RNF213: variants seen among roughly 807,000 people sequenced by gnomAD.
RNF213 encodes the protein E3 ubiquitin-protein ligase RNF213.
A neutral mutation model predicts 514.4 loss-of-function variants in RNF213; 341 were observed. The ratio of observed to expected loss-of-function variants is 0.66; its 90% CI spans 0.61 to 0.73. The LOEUF (loss-of-function observed/expected upper bound fraction) is 0.73. Ranked by LOEUF, RNF213 falls within the 30% of genes least tolerant of loss-of-function variation. The pLI is 0.00. For synonymous variants in RNF213, 2,655 were observed against 2,658.2 expected (o/e 1.00, Z 0.04); for missense variants, 5,767 against 6,615.6 (o/e 0.87, Z 4.45).
intron 41 of RNF213, 21 bp from the exon 42 acceptor site, chr17:80,364,412 A>G: frequency 6.2e-7 from 1 of 1,613,716 alleles, no homozygotes; most frequent in Non-Finnish European, 8.5e-7. Flanking sequence ...TGAGTGAGTG[A>G]GTGGCGCCCT....
intron 20 of RNF213, 139 bp from the exon 21 acceptor site, chr17:80,331,867 T>C (rs1356563219): frequency 1.3e-5 from 13 of 1,031,754 alleles, no homozygotes; most frequent in Non-Finnish European, 1.6e-5. Context: ...CTGTGAACTC[T>C]TCCTGAGAAA....
chr17:80,332,934 T>C (rs1385212050), intron 21 of RNF213, among the ~76,000 whole-genome samples: 1 of 152,158 alleles, frequency 6.6e-6, no homozygotes, highest in Non-Finnish European at 1.5e-5. Context: ...TCATAGGCTC[T>C]CTCTAGGTTA....
At chr17:80,319,081 A>G in intron 16 of RNF213, 109 bp from the exon 17 acceptor site, 1 of 1,605,292 alleles carries the variant, frequency 6.2e-7, no homozygotes, top group Non-Finnish European at 8.5e-7. Context: ...AAATTGGGGG[A>G]AACAGTAAAA....
Position 80,377,894 on chromosome 17 carries a change from CCAGGAGAGCA to C in RNF213, c.13545+103_13545+112del. 1 of 1,375,282 alleles carries C rather than the reference CCAGGAGAGCA, an allele frequency of 7.3e-7. No homozygotes were observed. The highest frequency in any genetic ancestry group is 1.0e-6 in the Non-Finnish European group (1 of 963,622). 85.2% of individuals were successfully genotyped at this position (1,375,282 alleles called of 1,614,324 possible). On this transcript the variant is annotated intron_variant, in intron 54 of 67. Coordinates refer to ENST00000582970, the MANE Select transcript of RNF213 (RefSeq NM_001256071.3). This position sits in a 1 kb window ranked among gnomAD's most constrained non-coding sequence, Gnocchi z 4.1. ...TCAGGAGAGTGAGGCTCTCGGCCTT[CCAGGAGAGCA>C]CAGGCTCACCGAGGACTGCCCAGGG...
At position 80,339,486 on chromosome 17, in the gene RNF213, G is replaced by A. The variant is rs540300391; in HGVS notation, c.5119G>A (p.Glu1707Lys). Residue 1707 changes from glutamate (E) to lysine (K), a missense_variant, in exon 26 of 68, where the codon GAG becomes AAG. Glu to Lys is a moderately conservative substitution (Grantham distance 56). This residue lies in a region of RNF213 where 1,377 missense variants were observed against 1,635.2 expected (regional missense o/e 0.84). Coordinates refer to ENST00000582970, the MANE Select transcript of RNF213 (RefSeq NM_001256071.3). ...EHFYLNFYTAEQLVYLSTELR... is the reference protein window; with the variant it reads ...EHFYLNFYTAKQLVYLSTELR... The stretch of plus-strand genomic sequence containing the variant: ...CTTTTACCTGAACTTCTACACGGCA[G>A]AGCAGCTGGTTTACCTGAGCACTGA... 6.5e-6 allele frequency: 10 copies of A among 1,537,250 alleles called. No homozygotes were observed. In the East Asian group the frequency reaches 2.2e-4, roughly 34 times the overall value.
At position 80,339,808 on chromosome 17, in the gene RNF213, G is replaced by T; in HGVS notation, c.5441G>T (p.Gly1814Val). 3 of 1,534,154 alleles carry T rather than the reference G, an allele frequency of 2.0e-6. No individual in the cohort carries two copies. Among genetic ancestry groups the T allele is most frequent in the Non-Finnish European group, 2.6e-6 (3 of 1,144,554 alleles). ...CTGGCTCACCTGGCAGGGATGGGTG[G>T]GTCTCCCGTGGAGCGTTGTCTCCCG... ...HCLAHLAGMG[G>V]SPVERCLPRG... Residue 1814 changes from glycine to valine, a missense_variant, in exon 26 of 68, where the codon GGG becomes GTG. By Grantham distance (109) the Gly-to-Val change is moderately radical. Around this residue, in one of 13 missense-constraint regions of RNF213, gnomAD observed 1,377 missense variants for 1,635.2 expected, o/e 0.84. Coordinates refer to ENST00000582970, the MANE Select transcript of RNF213 (RefSeq NM_001256071.3).
intron 3 of RNF213, among the ~76,000 whole-genome samples, chr17:80,275,995 T>A (rs535848029): frequency 6.6e-6 from 1 of 151,608 alleles, no homozygotes; most frequent in East Asian, 1.9e-4. Flanking sequence ...TTCCATGTTT[T>A]GGCTGTAGGT....
rs770377223 is a variant in RNF213 at position 80,317,168 on chromosome 17, C to T, written c.2812-20C>T. The T allele has an allele frequency of 9.1e-5, 147 of 1,608,310 alleles. 4 individuals carry two copies. In the South Asian group the frequency reaches 1.5e-3, roughly 16 times the overall value. On this transcript the variant is annotated intron_variant, in intron 15 of 67. Transcript: ENST00000582970. The surrounding 1 kb of genome is among the most constrained non-coding windows in gnomAD (Gnocchi z 4.1). The stretch of plus-strand genomic sequence containing the variant: ...CATTTAGTCGTGAGAGTGGGTGTGA[C>T]CTGTGTGCGGGTTTTGCAGGTCTGG...
chr17:80,266,158 C>T (rs747545067), intron 2 of RNF213, among the ~76,000 whole-genome samples: 29 of 151,800 alleles, frequency 1.9e-4, no homozygotes, highest in Non-Finnish European at 3.4e-4. Flanking sequence ...GGTGGCCCAC[C>T]TTACTAGGCG....
At position 80,380,912 on chromosome 17, in the gene RNF213, G is replaced by T. The variant is rs1002243231; in HGVS notation, c.13722G>T (p.Leu4574=). 6.2e-6 allele frequency: 10 copies of T among 1,614,056 alleles called. No homozygotes were observed. The Admixed American group carries it at 1.0e-4, about 16-fold the overall frequency. Residue 4574 remains leucine, a synonymous_variant, in exon 56 of 68, where the codon CTG becomes CTT. Coordinates refer to ENST00000582970, the MANE Select transcript of RNF213 (RefSeq NM_001256071.3). ...RRDVVTCDRG[L]PPVVFLLIRL... Reference sequence around the variant, plus strand: ...ACGTGGTGACATGTGACCGAGGGCTGCCCCCAGTGGTCTTCCTCCTTATCC... The same window carrying T: ...ACGTGGTGACATGTGACCGAGGGCTTCCCCCAGTGGTCTTCCTCCTTATCC...
At chr17:80,337,554 G>C in intron 23 of RNF213, 32 bp from the exon 24 acceptor site, 1 of 1,534,172 alleles carries the variant, frequency 6.5e-7, no homozygotes, top group South Asian at 1.2e-5. Context: ...CGCTCCAACC[G>C]TGGCCCGTGT....
chr17:80,347,946 A>G lies in RNF213; in HGVS notation c.9611A>G (p.His3204Arg), dbSNP rs2078368416. The change falls in exon 29 of 68, where the codon CAT becomes CGT. Residue 3204 changes from histidine (H) to arginine (R), a missense_variant. Physicochemically the swap from His to Arg is conservative, Grantham distance 29 (BLOSUM62 0). Coordinates refer to ENST00000582970, the MANE Select transcript of RNF213 (RefSeq NM_001256071.3). This position sits in a 1 kb window ranked among gnomAD's most constrained non-coding sequence, Gnocchi z 7.2. ...GAGAAGTTCATCAATGTCAAAGCAC[A>G]TCATTTCCAGAAGAGGCACAAATAC... Reference protein sequence around the residue: ...WVEKFINVKAHHFQKRHKYSP... With the variant: ...WVEKFINVKARHFQKRHKYSP... 7 of 1,614,026 alleles carry G rather than the reference A, an allele frequency of 4.3e-6. No homozygotes were observed. Among genetic ancestry groups the G allele is most frequent in the Middle Eastern group, 1.7e-4 (1 of 6,060 alleles).
intron 14 of RNF213, 38 bp downstream of exon 14, chr17:80,309,209 T>G: frequency 1.9e-6 from 3 of 1,611,318 alleles, no homozygotes; most frequent in Non-Finnish European, 2.5e-6. Flanking sequence ...ACACCCGGGA[T>G]AGGTGCGGAA....
At position 80,288,075 on chromosome 17, in the gene RNF213, G is replaced by C; in HGVS notation, c.522G>C (p.Leu174=). The change falls in exon 4 of 68, where the codon CTG becomes CTC. Residue 174 remains leucine, a synonymous_variant. Coordinates refer to ENST00000582970, the MANE Select transcript of RNF213 (RefSeq NM_001256071.3). The surrounding 1 kb of genome is among the most constrained non-coding windows in gnomAD (Gnocchi z 4.9). ...CCACCGAGGTTGGCGACAGCCCCCT[G>C]CAGGCCCAGGCTTTGGGAGAGGCAG... The part of the protein sequence containing the change: ...SAPTEVGDSP[L]QAQALGEAGV... 5.0e-6 allele frequency: 8 copies of C among 1,608,424 alleles called. No individual in the cohort carries two copies. The highest frequency in any genetic ancestry group is 6.8e-6 in the Non-Finnish European group (8 of 1,176,630).
rs545060242 is a variant in RNF213 at position 80,339,897 on chromosome 17, G to A, written c.5530G>A (p.Ala1844Thr). The change falls in exon 26 of 68, where the codon GCC (alanine) becomes ACC (threonine). Residue 1844 changes from alanine to threonine, a missense_variant. Physicochemically the swap from Ala to Thr is moderately conservative, Grantham distance 58. Around this residue, in one of 13 missense-constraint regions of RNF213, gnomAD observed 1,377 missense variants for 1,635.2 expected, o/e 0.84. Coordinates refer to ENST00000582970, the MANE Select transcript of RNF213 (RefSeq NM_001256071.3). ...TGGCCACTCCGAGGTGTTGCCAGCC[G>A]CCCTGGCTGTCTACATGCAAACCCC... is the stretch of plus-strand genomic sequence containing the variant. The part of the protein sequence containing the change: ...VCGHSEVLPA[A>T]LAVYMQTPSQ... 2.6e-3 allele frequency: 3,930 copies of A among 1,536,874 alleles called. 14 individuals are homozygous for A. Among genetic ancestry groups the A allele is most frequent in the Non-Finnish European group, 3.2e-3 (3,706 of 1,146,860 alleles).
In RNF213 at chr17:80,325,101, G is replaced by A; in HGVS notation, c.3096G>A (p.Val1032=). 1 of 1,537,112 alleles carries A rather than the reference G, an allele frequency of 6.5e-7. No individual in the cohort carries two copies. The highest frequency in any genetic ancestry group is 8.7e-7 in the Non-Finnish European group (1 of 1,146,870). Residue 1032 remains valine, a synonymous_variant, in exon 18 of 68, where the codon GTG becomes GTA. Transcript: ENST00000582970. ...LRKFGIVLSA[V]ITKSWPRTAD... Reference sequence around the variant, plus strand: ...AATTTGGCATCGTCTTGTCTGCTGTGATCACTAAGTCCTGGCCTAGGACCG... The same window carrying A: ...AATTTGGCATCGTCTTGTCTGCTGTAATCACTAAGTCCTGGCCTAGGACCG...
Position 80,375,841 on chromosome 17 carries a change from C to T in RNF213, c.13156C>T (p.His4386Tyr). ...AGAGGTGGCTATTTTGTACAGATCCCACAATGCAAGCCTCCACCCCACGCC... is the reference window on the plus strand; with the variant it reads ...AGAGGTGGCTATTTTGTACAGATCCTACAATGCAAGCCTCCACCCCACGCC... ...FREVAILYRS[H>Y]NASLHPTPEQ... Residue 4386 changes from histidine (H) to tyrosine (Y), a missense_variant, in exon 51 of 68, where the codon CAC (histidine) becomes TAC (tyrosine). This residue lies in a region of RNF213 where 1,245 missense variants were observed against 1,339.0 expected (regional missense o/e 0.93). Transcript: ENST00000582970. The T allele has an allele frequency of 6.2e-7, 1 of 1,613,918 alleles. No homozygotes were observed. Among genetic ancestry groups the T allele is most frequent in the Non-Finnish European group, 8.5e-7 (1 of 1,179,772 alleles).
At position 80,380,886 on chromosome 17, in the gene RNF213, G is replaced by A; in HGVS notation, c.13696G>A (p.Asp4566Asn). 1 of 1,614,206 alleles carries A rather than the reference G, an allele frequency of 6.2e-7. No homozygotes were observed. The highest frequency in any genetic ancestry group is 1.1e-5 in the South Asian group (1 of 91,092). Residue 4566 changes from aspartate to asparagine, a missense_variant, in exon 56 of 68, where the codon GAC (aspartate) becomes AAC (asparagine). Around this residue, in one of 13 missense-constraint regions of RNF213, gnomAD observed 1,245 missense variants for 1,339.0 expected, o/e 0.93. Transcript: ENST00000582970. Reference protein sequence around the residue: ...GHVLGNPQRRDVVTCDRGLPP... With the variant: ...GHVLGNPQRRNVVTCDRGLPP... ...CGTGCTGGGCAACCCGCAGCGGAGA[G>A]ACGTGGTGACATGTGACCGAGGGCT...
intron 5 of RNF213, 105 bp from the exon 6 acceptor site, chr17:80,289,554 C>T: frequency 8.1e-7 from 1 of 1,238,904 alleles, no homozygotes; most frequent in Non-Finnish European, 1.2e-6. Context: ...CGCAGTACTG[C>T]ACTCCAGCCT....
Sources: gnomAD v4.1 joint callset for allele counts (sites outside exome capture counted in the v4.1 genomes callset) on GRCh38, gnomAD v4.1.1 for gene constraint, gnomAD v4.1.1 regional missense constraint, Gnocchi (gnomAD v3.1) non-coding constraint, MANE v1.5 for transcripts, NCBI Gene and HGNC (gene_info 2026-07-23, HGNC 2026-07-21) for gene names.